KIAA1217: variants seen among roughly 807,000 people sequenced by gnomAD.
KIAA1217 encodes sickle tail protein homolog.
Under a neutral mutation model 163.9 loss-of-function variants are expected in KIAA1217, and 88 were observed. That is an observed-to-expected ratio of 0.54 (90% CI 0.45 to 0.64). The LOEUF (loss-of-function observed/expected upper bound fraction) is 0.64. Ranked by LOEUF, KIAA1217 falls within the 30% of genes least tolerant of loss-of-function variation. The pLI, the probability that KIAA1217 is intolerant of heterozygous loss-of-function variation, is 0.00. For synonymous variants in KIAA1217, 903 were observed against 923.1 expected (o/e 0.98, Z 0.39); for missense variants, 2,372 against 2,475.0 (o/e 0.96, Z 0.88).
intron 16 of KIAA1217, 148 bp downstream of exon 16, chr10:24,533,385 T>G: frequency 1.4e-6 from 1 of 726,190 alleles, no homozygotes. Context: ...AGCCTTTGCT[T>G]TCCCAAGATG....
chr10:24,211,363 T>A (rs10828620), intron 1 of KIAA1217, among the ~76,000 whole-genome samples: 1 of 43,516 alleles, frequency 2.3e-5, no homozygotes, highest in African/African-American at 6.4e-5. Flanking sequence ...TGGGACTACT[T>A]TTTTTTTTTT....
chr10:23,879,557 G>A lies in KIAA1217; in HGVS notation c.-320-127668G>A, dbSNP rs1840857492. Reference sequence around the variant, plus strand: ...AATTGACCATTGGATTTACAAGTTGGGTCTTTGGTGGCCTTGACAAAAGCT... The same window carrying A: ...AATTGACCATTGGATTTACAAGTTGAGTCTTTGGTGGCCTTGACAAAAGCT... On this transcript the variant is annotated intron_variant, in intron 1 of 18. Transcript: ENST00000376462. Among the ~76,000 whole-genome samples the A allele has an allele frequency of 1.3e-5, 2 of 151,854 alleles. 1 individual carries two copies. The highest frequency in any genetic ancestry group is 4.1e-4 in the South Asian group (2 of 4,824).
intron 1 of KIAA1217, among the ~76,000 whole-genome samples, chr10:23,871,168 A>T (rs1312267895): frequency 2.0e-5 from 3 of 152,014 alleles, no homozygotes; most frequent in Admixed American, 1.3e-4. Flanking sequence ...TGGAGTTTTC[A>T]TCTATAGTGT....
intron 2 of KIAA1217, among the ~76,000 whole-genome samples, chr10:24,053,429 A>G (rs1849659896): frequency 6.6e-6 from 1 of 152,150 alleles, no homozygotes; most frequent in South Asian, 2.1e-4. Context: ...ATATATATAT[A>G]TAGCATTATG....
At chr10:23,870,645 A>T (rs753550692) in intron 1 of KIAA1217, among the ~76,000 whole-genome samples, 1 of 152,114 alleles carries the variant, frequency 6.6e-6, no homozygotes, top group Non-Finnish European at 1.5e-5. Context: ...AATTCTCATA[A>T]CAACGCAGTG....
chr10:24,215,983 C>A (rs1034389048), intron 1 of KIAA1217, among the ~76,000 whole-genome samples: 1 of 152,198 alleles, frequency 6.6e-6, no homozygotes, highest in African/African-American at 2.4e-5. Flanking sequence ...GTGGTTGATG[C>A]TTTTTGTACC....
intron 3 of KIAA1217, among the ~76,000 whole-genome samples, 170 bp downstream of exon 3, chr10:24,381,237 G>A (rs1335923094): frequency 2.0e-5 from 3 of 152,178 alleles, no homozygotes; most frequent in Non-Finnish European, 1.5e-5. Context: ...TTTGCCTGCT[G>A]GGTAATCAGG....
intron 9 of KIAA1217, among the ~76,000 whole-genome samples, chr10:24,511,063 G>T (rs2069058363): frequency 6.9e-6 from 1 of 145,244 alleles, no homozygotes; most frequent in Non-Finnish European, 1.5e-5. Flanking sequence ...AGGTGCAAAG[G>T]CCTGGCAAAT....
intron 2 of KIAA1217, among the ~76,000 whole-genome samples, chr10:24,278,502 G>A (rs1564393493): frequency 6.6e-6 from 1 of 152,226 alleles, no homozygotes; most frequent in Non-Finnish European, 1.5e-5. Context: ...TCTATCGAAA[G>A]CATGTGGCAA....
At chr10:24,381,255 C>T (rs1421662710) in intron 3 of KIAA1217, among the ~76,000 whole-genome samples, 188 bp downstream of exon 3, 2 of 152,174 alleles carry the variant, frequency 1.3e-5, no homozygotes, top group African/African-American at 4.8e-5. Context: ...AGGTCAAGTG[C>T]AAGCTGATTT....
chr10:24,049,479 A>G (rs995852692), intron 2 of KIAA1217, among the ~76,000 whole-genome samples: 2 of 152,178 alleles, frequency 1.3e-5, no homozygotes, highest in African/African-American at 4.8e-5. Context: ...ACATAGGTAT[A>G]GACATGCCAT....
intron 2 of KIAA1217, among the ~76,000 whole-genome samples, chr10:24,365,864 C>G (rs2050711862): frequency 2.0e-5 from 3 of 152,052 alleles, no homozygotes; most frequent in Non-Finnish European, 4.4e-5. Context: ...ATGTGTGGGA[C>G]TAAGTTCTAA....
intron 1 of KIAA1217, among the ~76,000 whole-genome samples, chr10:23,906,477 G>A (rs190137279): frequency 5.0e-4 from 76 of 152,236 alleles, no homozygotes; most frequent in Admixed American, 4.4e-3. Flanking sequence ...TGTTATGTGT[G>A]TAAAACTAAA....
intron 3 of KIAA1217, among the ~76,000 whole-genome samples, chr10:24,428,223 A>T (rs1022263158): frequency 4.1e-4 from 63 of 152,218 alleles, no homozygotes; most frequent in African/African-American, 1.5e-3. Flanking sequence ...TGGCTGGGGC[A>T]TGGACCTCAA....
intron 1 of KIAA1217, among the ~76,000 whole-genome samples, chr10:23,998,284 T>C (rs1589212904): frequency 6.6e-6 from 1 of 152,222 alleles, no homozygotes; most frequent in South Asian, 2.1e-4. Context: ...AATATCTTTA[T>C]TGTTAAGATT....
intron 1 of KIAA1217, among the ~76,000 whole-genome samples, chr10:23,995,403 C>G (rs1488869074): frequency 6.6e-6 from 1 of 151,916 alleles, no homozygotes; most frequent in Non-Finnish European, 1.5e-5. Flanking sequence ...AAAAACCCCT[C>G]AAAGCAAATT....
intron 2 of KIAA1217, among the ~76,000 whole-genome samples, chr10:24,337,625 CTTTTCTTTTCTTTTCTTTTCTTTTCTTTT>C (rs1342010281): frequency 9.3e-4 from 56 of 60,056 alleles, no homozygotes; most frequent in Middle Eastern, 9.9e-3. Flanking sequence ...CTTTTCTTTT[CTTTTCTTTTCTTTTCTTTTCTTTTCTTTT>C]TTTTTTTTGA....
At chr10:24,372,467 G>T (rs1376157916) in intron 2 of KIAA1217, among the ~76,000 whole-genome samples, 1 of 152,102 alleles carries the variant, frequency 6.6e-6, no homozygotes, top group Non-Finnish European at 1.5e-5. Context: ...CTGGTTTCCA[G>T]CTTTGAGACC....
At chr10:24,269,321 G>C (rs2076558282) in intron 2 of KIAA1217, among the ~76,000 whole-genome samples, 1 of 150,928 alleles carries the variant, frequency 6.6e-6, no homozygotes, top group Non-Finnish European at 1.5e-5. Context: ...CCAGGAGTTT[G>C]AGACCACCCT....
Sources: allele counts gnomAD v4.1 joint callset (sites outside exome capture counted in the v4.1 genomes callset), GRCh38; gene constraint gnomAD v4.1.1; transcripts MANE v1.5; gene names NCBI Gene and HGNC (gene_info 2026-07-23, HGNC 2026-07-21).